POU2F1: variants seen among roughly 807,000 people sequenced by gnomAD.
POU2F1 encodes POU domain, class 2, transcription factor 1.
In POU2F1, 16 loss-of-function variants were observed where a neutral mutation model predicts 84.9. The observed-to-expected ratio is 0.19, with a 90% CI of 0.13 to 0.29. POU2F1 has a LOEUF of 0.29. Among genes scored for constraint, POU2F1 ranks in the 10% least tolerant of loss-of-function variants. The probability of loss-of-function intolerance (pLI) is 1.00; values close to 1 mark genes in which losing one functional copy is unlikely to be tolerated. For missense variants in POU2F1, 738 were observed against 942.6 expected, an observed-to-expected ratio of 0.78 and a Z score of 2.84; for synonymous variants, 368 against 368.3, an observed-to-expected ratio of 1.00 and a Z score of 0.01.
intron 1 of POU2F1, among the ~76,000 whole-genome samples, chr1:167,244,200 AAGG>A (rs1347102460): frequency 6.6e-6 from 1 of 152,226 alleles, no homozygotes; most frequent in Non-Finnish European, 1.5e-5. Context: ...GTAAAGGAAG[AAGG>A]AGAGAATTTT....
intron 9 of POU2F1, among the ~76,000 whole-genome samples, chr1:167,392,171 G>A (rs1322052669): frequency 1.3e-5 from 2 of 151,926 alleles, no homozygotes; most frequent in Admixed American, 6.6e-5. Context: ...CCAACATGGC[G>A]AAACCCCGTC....
In POU2F1 at chr1:167,374,244, C is replaced by A; in HGVS notation, c.539C>A (p.Ala180Asp). ...SAAGATISASAATPMTQIPLS... is the reference protein window; with the variant it reads ...SAAGATISASDATPMTQIPLS... ...GCTGGAGCCACCATCTCCGCCTCTG[C>A]TGCCACGCCCATGACGCAGATCCCC... The change falls in exon 6 of 16, where the codon GCT becomes GAT. Residue 180 changes from alanine (A) to aspartate (D), a missense_variant. Physicochemically the swap from Ala to Asp is moderately radical, Grantham distance 126. This residue lies in a region of POU2F1 where 163 missense variants were observed against 214.4 expected (regional missense o/e 0.76). Transcript: ENST00000367866. The A allele has an allele frequency of 1.2e-6, 2 of 1,613,768 alleles. No individual in the cohort carries two copies. The highest frequency in any genetic ancestry group is 1.7e-6 in the Non-Finnish European group (2 of 1,179,886).
At chr1:167,226,505 A>C (rs1429726330) in intron 1 of POU2F1, among the ~76,000 whole-genome samples, 2 of 152,240 alleles carry the variant, frequency 1.3e-5, no homozygotes, top group Non-Finnish European at 2.9e-5. Context: ...TTTGTACCGA[A>C]GTATTTCTGT....
rs1285281452 is a variant in POU2F1 at position 167,415,580 on chromosome 1, C to T, written c.2071C>T (p.Pro691Ser). The T allele has an allele frequency of 6.2e-7, 1 of 1,614,156 alleles. No homozygotes were observed. The highest frequency in any genetic ancestry group is 8.5e-7 in the Non-Finnish European group (1 of 1,180,016). Residue 691 changes from proline (P) to serine (S), a missense_variant, in exon 16 of 16, where the codon CCC becomes TCC. Pro to Ser is a moderately conservative substitution (Grantham distance 74). This residue lies in a region of POU2F1 where 319 missense variants were observed against 386.0 expected (regional missense o/e 0.83). Coordinates refer to ENST00000367866, the MANE Select transcript of POU2F1 (RefSeq NM_002697.4). ...NLVFANAGGA[P>S]NIVTAPLFLN... is the part of the protein sequence containing the mutation. ...GGTATTTGCCAATGCGGGAGGAGCC[C>T]CCAACATCGTGACTGCCCCTCTGTT...
At position 167,348,784 on chromosome 1, in the gene POU2F1, A is replaced by T. The variant is rs375094038; in HGVS notation, c.127+16249A>T. Among the ~76,000 whole-genome samples the T allele has an allele frequency of 5.9e-5, 9 of 152,122 alleles. No individual in the cohort carries two copies. In the South Asian group the frequency reaches 1.9e-3, roughly 32 times the overall value. ...TCTCTTACCCTGAACTACCTGTATCACCTCATCTCTCCTACATCTTAGCCA... is the reference window on the plus strand; with the variant it reads ...TCTCTTACCCTGAACTACCTGTATCTCCTCATCTCTCCTACATCTTAGCCA... On this transcript the variant is annotated intron_variant, in intron 2 of 15. Transcript: ENST00000367866.
At chr1:167,322,150 A>T (rs931152598) in intron 1 of POU2F1, among the ~76,000 whole-genome samples, 3 of 152,150 alleles carry the variant, frequency 2.0e-5, no homozygotes, top group Non-Finnish European at 4.4e-5. Flanking sequence ...TAGTTATTTC[A>T]CAGGTAGGAC....
intron 1 of POU2F1, among the ~76,000 whole-genome samples, chr1:167,286,733 G>A (rs1653554786): frequency 6.6e-6 from 1 of 152,092 alleles, no homozygotes; most frequent in Non-Finnish European, 1.5e-5. Flanking sequence ...CACAGAAGGG[G>A]CAAACAATAC....
chr1:167,264,690 TTC>T (rs372316182), intron 1 of POU2F1, among the ~76,000 whole-genome samples: 140 of 152,328 alleles, frequency 9.2e-4, no homozygotes, highest in Middle Eastern at 6.8e-3. Flanking sequence ...GCTTCCACCC[TTC>T]CAGCCCTACA....
At chr1:167,326,302 G>A (rs747017983) in intron 1 of POU2F1, among the ~76,000 whole-genome samples, 3 of 152,144 alleles carry the variant, frequency 2.0e-5, no homozygotes, top group Non-Finnish European at 4.4e-5. Context: ...TTTGTACAAC[G>A]GGTGTTCTTT....
Position 167,411,940 on chromosome 1 carries a change from A to G in POU2F1, c.1556-19A>G, listed in dbSNP as rs1456243457. The G allele has an allele frequency of 3.1e-6, 5 of 1,595,808 alleles. No homozygotes were observed. Among genetic ancestry groups the G allele is most frequent in the Non-Finnish European group, 4.3e-6 (5 of 1,168,222 alleles). On this transcript the variant is annotated intron_variant, in intron 13 of 15. Coordinates refer to ENST00000367866, the MANE Select transcript of POU2F1 (RefSeq NM_002697.4). ...AACCATTTACAAAAGGTCATCTTCT[A>G]ATCTGTTTGTCTTTTCAGGCACTTC...
intron 1 of POU2F1, among the ~76,000 whole-genome samples, chr1:167,225,746 C>T (rs1283356156): frequency 1.3e-5 from 2 of 152,170 alleles, no homozygotes; most frequent in East Asian, 1.9e-4. Flanking sequence ...GTTGGTCACT[C>T]ATTTTCATGA....
At chr1:167,400,082 C>T (rs1164457761) in intron 12 of POU2F1, among the ~76,000 whole-genome samples, 1 of 147,372 alleles carries the variant, frequency 6.8e-6, no homozygotes, top group Non-Finnish European at 1.5e-5. Flanking sequence ...CTCCTGGGTT[C>T]AAGCGATTCT....
At chr1:167,238,292 A>C (rs1410903559) in intron 1 of POU2F1, among the ~76,000 whole-genome samples, 1 of 152,174 alleles carries the variant, frequency 6.6e-6, no homozygotes, top group Non-Finnish European at 1.5e-5. Flanking sequence ...TAATATAAAA[A>C]TCTAATATTT....
At chr1:167,321,802 C>G (rs1656329158) in intron 1 of POU2F1, among the ~76,000 whole-genome samples, 1 of 152,132 alleles carries the variant, frequency 6.6e-6, no homozygotes, top group African/African-American at 2.4e-5. Context: ...TTCCTAGTCC[C>G]ATACCAGGGA....
chr1:167,395,731 A>G (rs1049533615), intron 9 of POU2F1, among the ~76,000 whole-genome samples: 2 of 151,828 alleles, frequency 1.3e-5, no homozygotes, highest in African/African-American at 4.8e-5. Context: ...CAGCCTCCCA[A>G]ATGGCTAGGA....
At chr1:167,259,619 T>C (rs1465562088) in intron 1 of POU2F1, among the ~76,000 whole-genome samples, 2 of 152,048 alleles carry the variant, frequency 1.3e-5, no homozygotes, top group Admixed American at 6.5e-5. Flanking sequence ...ATGGACAAAA[T>C]GTACAGTACA....
chr1:167,375,565 AT>A (rs1343080714), intron 6 of POU2F1, among the ~76,000 whole-genome samples: 1 of 152,176 alleles, frequency 6.6e-6, no homozygotes, highest in Non-Finnish European at 1.5e-5. Flanking sequence ...TTGAATACTG[AT>A]TTTTCAGTTG....
intron 1 of POU2F1, among the ~76,000 whole-genome samples, chr1:167,243,399 T>C (rs1363057048): frequency 6.6e-6 from 1 of 152,264 alleles, no homozygotes; most frequent in Non-Finnish European, 1.5e-5. Flanking sequence ...CTATTTCTTA[T>C]TATCTTCAAA....
chr1:167,403,701 C>A (rs967563754), intron 13 of POU2F1, among the ~76,000 whole-genome samples: 16 of 152,146 alleles, frequency 1.1e-4, no homozygotes, highest in Non-Finnish European at 1.5e-5. Flanking sequence ...TGAAGACTTT[C>A]TTCTTGGGAT....
Sources: gnomAD v4.1 joint callset for allele counts (sites outside exome capture counted in the v4.1 genomes callset) on GRCh38, gnomAD v4.1.1 for gene constraint, gnomAD v4.1.1 regional missense constraint, MANE v1.5 for transcripts, NCBI Gene and HGNC (gene_info 2026-07-23, HGNC 2026-07-21) for gene names.